Variants in NRXN3 observed in about 807,000 individuals in gnomAD.
NRXN3 encodes neurexin III.
In NRXN3, 32 loss-of-function variants were observed where a neutral mutation model predicts 137.6. That is an observed-to-expected ratio of 0.23 (90% CI 0.18 to 0.31). NRXN3 has a LOEUF of 0.31. Among genes scored for constraint, NRXN3 ranks in the 10% least tolerant of loss-of-function variants. The probability of loss-of-function intolerance (pLI) is 1.00; values close to 1 mark genes in which losing one functional copy is unlikely to be tolerated. For synonymous variants in NRXN3, 798 were observed against 784.5 expected (o/e 1.02, Z -0.29); for missense variants, 1,574 against 2,062.5 (o/e 0.76, Z 4.59).
intron 16 of NRXN3, among the ~76,000 whole-genome samples, chr14:79,607,662 G>A (rs185038989): frequency 4.1e-5 from 6 of 147,202 alleles, no homozygotes; most frequent in South Asian, 2.2e-4. Context: ...ATATTTAAAT[G>A]TTAATCTACA....
intron 4 of NRXN3, among the ~76,000 whole-genome samples, chr14:78,578,615 T>A (rs967272451): frequency 1.3e-5 from 2 of 152,136 alleles, no homozygotes; most frequent in Non-Finnish European, 2.9e-5. Context: ...AGAATCACCA[T>A]GATGATGAGA....
chr14:79,838,858 G>A (rs940029033), intron 20 of NRXN3, among the ~76,000 whole-genome samples: 1 of 152,168 alleles, frequency 6.6e-6, no homozygotes, highest in Non-Finnish European at 1.5e-5. Flanking sequence ...CACAAAAGAA[G>A]CCATTTTTCT....
intron 4 of NRXN3, among the ~76,000 whole-genome samples, chr14:78,316,653 A>G (rs1303089009): frequency 6.6e-6 from 1 of 152,142 alleles, no homozygotes; most frequent in Non-Finnish European, 1.5e-5. Context: ...TATTTATTTG[A>G]TATGTCAGTT....
Position 78,534,539 on chromosome 14 carries a change from G to A in NRXN3, c.758-110581G>A, listed in dbSNP as rs145936722. Reference sequence around the variant, plus strand: ...CAATAAGCAGAAAAGGTGATGCAGAGCAGCCAGCCAGATACTATCATCCTC... The same window carrying A: ...CAATAAGCAGAAAAGGTGATGCAGAACAGCCAGCCAGATACTATCATCCTC... On this transcript the variant is annotated intron_variant, in intron 4 of 20. Coordinates refer to ENST00000335750, the MANE Select transcript of NRXN3 (RefSeq NM_001330195.2). 8.0e-3 allele frequency among the ~76,000 whole-genome samples: 1,213 copies of A among 152,320 alleles called. 16 individuals carry two copies. The highest frequency in any genetic ancestry group is 0.028 in the African/African-American group (1,164 of 41,566).
Position 78,380,816 on chromosome 14 carries a change from A to T in NRXN3, c.757+82956A>T, listed in dbSNP as rs1489442688. The stretch of plus-strand genomic sequence containing the variant: ...TTTTTTTTTTTTTTTTTAGATATAG[A>T]CAAGATTATTGCAAAGGAAATGCTA... On this transcript the variant is annotated intron_variant, in intron 4 of 20. Coordinates refer to ENST00000335750, the MANE Select transcript of NRXN3 (RefSeq NM_001330195.2). Among the ~76,000 whole-genome samples the T allele has an allele frequency of 2.0e-5, 3 of 150,744 alleles. No individual in the cohort carries two copies. The East Asian group carries it at 5.8e-4, about 29-fold the overall frequency.
At chr14:79,835,461 T>C (rs1360591445) in intron 20 of NRXN3, among the ~76,000 whole-genome samples, 12 of 152,186 alleles carry the variant, frequency 7.9e-5, no homozygotes, top group Admixed American at 7.9e-4. Context: ...ATAATATTTC[T>C]CTCTAAATAG....
At position 79,428,334 on chromosome 14, in the gene NRXN3, A is replaced by AT. The variant is rs1268054375; in HGVS notation, c.3263-38881dup. Reference sequence around the variant, plus strand: ...CTCAGCTTTTTCTTTCTTTTATTTTATTTTTTAATTAAAAAAATAATATTA... The same window carrying AT: ...CTCAGCTTTTTCTTTCTTTTATTTTATTTTTTTAATTAAAAAAATAATATTA... On this transcript the variant is annotated intron_variant, in intron 15 of 20. Transcript: ENST00000335750. 7.3e-5 allele frequency among the ~76,000 whole-genome samples: 11 copies of AT among 151,698 alleles called. No individual in the cohort carries two copies. In the South Asian group the frequency reaches 1.3e-3, roughly 17 times the overall value.
chr14:78,921,226 TTTG>T (rs1187418476), intron 10 of NRXN3, among the ~76,000 whole-genome samples: 1 of 152,204 alleles, frequency 6.6e-6, no homozygotes, highest in Non-Finnish European at 1.5e-5. Flanking sequence ...GAAAGATTTT[TTTG>T]TTGTTGTTAC....
rs540069759 is a variant in NRXN3 at position 79,198,716 on chromosome 14, C to T, written c.3262+210575C>T. 2.0e-5 allele frequency among the ~76,000 whole-genome samples: 3 copies of T among 152,312 alleles called. No homozygotes were observed. The South Asian group carries it at 6.2e-4, about 32-fold the overall frequency. ...GGGGCAGGAACTTTCTTCATTGTAG[C>T]AGTGAAGCTGTTAGCTGGTTTACTT... On this transcript the variant is annotated intron_variant, in intron 15 of 20. Transcript: ENST00000335750.
intron 1 of NRXN3, among the ~76,000 whole-genome samples, chr14:78,179,162 C>T (rs1054882737): frequency 6.6e-6 from 1 of 152,264 alleles, no homozygotes; most frequent in Non-Finnish European, 1.5e-5. Flanking sequence ...GCACTGACAA[C>T]ATCCCCCTAC....
intron 15 of NRXN3, among the ~76,000 whole-genome samples, chr14:79,092,434 A>G (rs1168544974): frequency 6.6e-6 from 1 of 152,196 alleles, no homozygotes. Context: ...TAACATTTCA[A>G]TGTGCAGATG....
At chr14:78,424,795 G>A (rs78560216) in intron 4 of NRXN3, among the ~76,000 whole-genome samples, 3,431 of 152,184 alleles carry the variant, frequency 0.023, 67 homozygotes, top group Non-Finnish European at 0.033. Flanking sequence ...CAAAATGAGG[G>A]GGTCATTCCC....
intron 4 of NRXN3, among the ~76,000 whole-genome samples, chr14:78,601,610 G>A (rs539788517): frequency 5.3e-5 from 8 of 152,004 alleles, no homozygotes; most frequent in Admixed American, 1.3e-4. Flanking sequence ...CCGCCACCAC[G>A]CCCGGCTAAT....
chr14:79,452,329 A>G (rs909232868), intron 15 of NRXN3, among the ~76,000 whole-genome samples: 4 of 152,192 alleles, frequency 2.6e-5, no homozygotes, highest in Non-Finnish European at 4.4e-5. Flanking sequence ...GCATTTTCTA[A>G]AAAGAGACTG....
chr14:79,042,321 C>G (rs774123265), intron 15 of NRXN3, among the ~76,000 whole-genome samples: 4 of 152,172 alleles, frequency 2.6e-5, no homozygotes, highest in Non-Finnish European at 4.4e-5. Context: ...AAGCTTGAGC[C>G]AGGTTCTGGA....
At chr14:79,153,823 A>G (rs2060011718) in intron 15 of NRXN3, among the ~76,000 whole-genome samples, 1 of 152,000 alleles carries the variant, frequency 6.6e-6, no homozygotes, top group Non-Finnish European at 1.5e-5. Flanking sequence ...GCAGAAGTCC[A>G]GGCTTGGTAG....
intron 15 of NRXN3, among the ~76,000 whole-genome samples, chr14:79,393,516 G>T (rs1175806305): frequency 1.3e-5 from 2 of 152,202 alleles, no homozygotes; most frequent in African/African-American, 2.4e-5. Context: ...AGACTATTAA[G>T]AGGTAAAGAG....
intron 11 of NRXN3, among the ~76,000 whole-genome samples, chr14:78,963,257 G>C (rs1187927950): frequency 6.6e-6 from 1 of 151,988 alleles, no homozygotes; most frequent in Non-Finnish European, 1.5e-5. Flanking sequence ...GAATTTCTCT[G>C]AAAGTTCTCA....
At chr14:78,378,358 A>G (rs998656344) in intron 4 of NRXN3, among the ~76,000 whole-genome samples, 1 of 152,020 alleles carries the variant, frequency 6.6e-6, no homozygotes, top group Non-Finnish European at 1.5e-5. Context: ...GGTGGTGCAC[A>G]GCTATAGTTC....
Sources: allele counts gnomAD v4.1 joint callset (sites outside exome capture counted in the v4.1 genomes callset), GRCh38; gene constraint gnomAD v4.1.1; transcripts MANE v1.5; gene names NCBI Gene and HGNC (gene_info 2026-07-23, HGNC 2026-07-21).